The following TEX14 variants were observed in gnomAD, a reference collection of about 807,000 sequenced individuals.
The protein encoded by TEX14 is testis expressed 14, intercellular bridge forming factor.
A neutral mutation model predicts 178.6 loss-of-function variants in TEX14; 168 were observed. The ratio of observed to expected loss-of-function variants is 0.94; its 90% CI spans 0.83 to 1.07. The LOEUF (loss-of-function observed/expected upper bound fraction) is 1.07. Ranked by LOEUF, TEX14 falls within the 50% of genes least tolerant of loss-of-function variation. The pLI, the probability that TEX14 is intolerant of heterozygous loss-of-function variation, is 0.00. For synonymous variants in TEX14, 626 were observed against 634.1 expected (o/e 0.99, Z 0.19); for missense variants, 1,730 against 1,753.6 (o/e 0.99, Z 0.24).
At chr17:58,684,008 T>C (rs978769188) in intron 1 of TEX14, among the ~76,000 whole-genome samples, 6 of 152,088 alleles carry the variant, frequency 3.9e-5, no homozygotes, top group Non-Finnish European at 8.8e-5. Flanking sequence ...GAGGTTGCAG[T>C]GAGCCGAGAT....
intron 14 of TEX14, 57 bp from the exon 15 acceptor site, chr17:58,593,718 A>G: frequency 1.5e-6 from 2 of 1,363,422 alleles, no homozygotes; most frequent in Non-Finnish European, 2.1e-6. Flanking sequence ...CACTCTCTTC[A>G]CTGTCACACT....
chr17:58,559,342 T>C, intron 30 of TEX14, 111 bp downstream of exon 30: 1 of 591,408 alleles, frequency 1.7e-6, no homozygotes, highest in South Asian at 2.5e-5. Flanking sequence ...AAATAAATTA[T>C]CAAAGGTAGG....
intron 21 of TEX14, among the ~76,000 whole-genome samples, chr17:58,574,951 G>A (rs2044641098): frequency 1.3e-5 from 2 of 152,114 alleles, no homozygotes; most frequent in African/African-American, 2.4e-5. Context: ...TCCTGGCATA[G>A]TGTACCAGGA....
At chr17:58,564,081 T>C in intron 28 of TEX14, 1 of 152,168 alleles carries the variant, frequency 6.6e-6, no homozygotes, top group Non-Finnish European at 1.5e-5. Flanking sequence ...TGTGCACTGT[T>C]GGTGGGACTG....
chr17:58,676,237 G>A (rs1041398461), intron 1 of TEX14, among the ~76,000 whole-genome samples: 26 of 152,076 alleles, frequency 1.7e-4, no homozygotes, highest in Non-Finnish European at 3.2e-4. Flanking sequence ...TTAGCCAGGC[G>A]TGGTGGCAGG....
chr17:58,672,498 A>G (rs1030775435), intron 1 of TEX14, among the ~76,000 whole-genome samples: 6 of 152,186 alleles, frequency 3.9e-5, no homozygotes, highest in Non-Finnish European at 7.3e-5. Context: ...CAGAGGTGCA[A>G]TCTCAGCTTG....
chr17:58,575,275 C>T (rs947675980), intron 21 of TEX14, among the ~76,000 whole-genome samples: 22 of 152,074 alleles, frequency 1.4e-4, no homozygotes, highest in African/African-American at 2.4e-4. Context: ...CCACCACGCC[C>T]GGCTAATTTT....
intron 2 of TEX14, among the ~76,000 whole-genome samples, chr17:58,635,742 CTCT>C (rs1161637671): frequency 6.6e-6 from 1 of 151,404 alleles, no homozygotes; most frequent in Non-Finnish European, 1.5e-5. Flanking sequence ...CCAAGGGCTT[CTCT>C]TTTTTTTTGA....
chr17:58,589,876 T>G (rs949099182), intron 15 of TEX14, among the ~76,000 whole-genome samples: 8 of 151,662 alleles, frequency 5.3e-5, no homozygotes, highest in African/African-American at 1.9e-4. Context: ...GTTTTTGTAT[T>G]TTTGGTAGGG....
rs71143252 is a variant in TEX14 at position 58,570,616 on chromosome 17, CTTTTTTTTTTTTTTTT to C, written c.3718-148_3718-133del. The C allele has an allele frequency of 7.4e-4, 65 of 88,036 alleles. 1 individual carries two copies. The Admixed American group carries it at 0.012, about 16-fold the overall frequency. The allele number at this position is 88,036 out of a possible 1,614,324, so 5.5% of individuals were successfully genotyped here. On this transcript the variant is annotated intron_variant, in intron 24 of 31. Transcript: ENST00000349033. ...CATGTCACCTCCTCTGGGAAGCCTC[CTTTTTTTTTTTTTTTT>C]TTTTTTTTTTTGAGATGGAGTCTTA...
intron 1 of TEX14, among the ~76,000 whole-genome samples, chr17:58,688,998 T>C (rs986213057): frequency 2.6e-5 from 4 of 152,062 alleles, no homozygotes; most frequent in Admixed American, 2.6e-4. Flanking sequence ...TGGCATGATC[T>C]TGGCTCACTG....
In TEX14 at chr17:58,644,638, C is replaced by CTT. The variant is rs34373378; in HGVS notation, c.136+7226_136+7227dup. On this transcript the variant is annotated intron_variant, in intron 2 of 31. Transcript: ENST00000349033. ...TATAGGTGTAAGCCACCGCACCTGG[C>CTT]TTTTTTTTTTTTTTTTTTTTTTTTT... Among the ~76,000 whole-genome samples, 30 of 39,580 alleles carry CTT rather than the reference C, an allele frequency of 7.6e-4. 1 individual carries two copies. Among genetic ancestry groups the CTT allele is most frequent in the Admixed American group, 1.6e-3 (5 of 3,144 alleles). 26.0% of individuals were successfully genotyped at this position (39,580 alleles called of 152,430 possible).
At position 58,608,333 on chromosome 17, in the gene TEX14, C is replaced by T. The variant is rs1024118033; in HGVS notation, c.1184+2828G>A. On this transcript the variant is annotated intron_variant, in intron 10 of 31. Transcript: ENST00000349033. Reference sequence around the variant, plus strand: ...TTGGGAGGCTGAGGCAGGAGAATGGCGAGAACCCAGGAGGCGGAGCTTGTA... The same window carrying T: ...TTGGGAGGCTGAGGCAGGAGAATGGTGAGAACCCAGGAGGCGGAGCTTGTA... Among the ~76,000 whole-genome samples, 34 of 151,456 alleles carry T rather than the reference C, an allele frequency of 2.2e-4. No individual in the cohort carries two copies. In the South Asian group the frequency reaches 2.5e-3, roughly 11 times the overall value.
intron 1 of TEX14, among the ~76,000 whole-genome samples, chr17:58,670,567 T>C (rs1349365234): frequency 6.6e-6 from 1 of 151,070 alleles, no homozygotes; most frequent in Non-Finnish European, 1.5e-5. Flanking sequence ...TGAGGTCAGG[T>C]GTTTGAGACC....
chr17:58,641,829 A>G (rs2046584348), intron 2 of TEX14, among the ~76,000 whole-genome samples: 1 of 152,106 alleles, frequency 6.6e-6, no homozygotes, highest in Non-Finnish European at 1.5e-5. Flanking sequence ...GTTTTAATCC[A>G]TTATCTCATT....
At chr17:58,571,312 T>G (rs1457102331) in intron 24 of TEX14, among the ~76,000 whole-genome samples, 1 of 147,834 alleles carries the variant, frequency 6.8e-6, no homozygotes, top group African/African-American at 2.5e-5. Context: ...CACAGTTCAC[T>G]GCAACCTCGA....
At chr17:58,680,269 C>T (rs2047479123) in intron 1 of TEX14, among the ~76,000 whole-genome samples, 1 of 152,092 alleles carries the variant, frequency 6.6e-6, no homozygotes, top group African/African-American at 2.4e-5. Context: ...AGTTTGAAAA[C>T]ATGAAATTTG....
chr17:58,583,569 G>A (rs1260331860), intron 19 of TEX14, among the ~76,000 whole-genome samples: 1 of 152,168 alleles, frequency 6.6e-6, no homozygotes, highest in Non-Finnish European at 1.5e-5. Context: ...CCAACCTTCA[G>A]TGATCTCTTG....
chr17:58,562,012 G>A (rs2044283426), intron 28 of TEX14, among the ~76,000 whole-genome samples: 1 of 152,116 alleles, frequency 6.6e-6, no homozygotes, highest in African/African-American at 2.4e-5. Flanking sequence ...TTGAGCCTAG[G>A]AGGCGGCAGC....
Sources: allele counts gnomAD v4.1 joint callset (sites outside exome capture counted in the v4.1 genomes callset), GRCh38; gene constraint gnomAD v4.1.1; transcripts MANE v1.5; gene names NCBI Gene and HGNC (gene_info 2026-07-23, HGNC 2026-07-21).